NALF1: variants seen among roughly 807,000 people sequenced by gnomAD.
NALF1 encodes the protein NALCN channel auxiliary factor 1.
NALF1 carries 3 observed loss-of-function variants against 48.4 expected under a neutral mutation model. That is an observed-to-expected ratio of 0.06 (90% CI 0.03 to 0.16). The LOEUF is 0.16. NALF1 is among the 10% of genes least tolerant of loss of function. NALF1 has a pLI of 1.00. For synonymous variants in NALF1, 262 were observed against 245.7 expected (o/e 1.07, Z -0.62); for missense variants, 526 against 571.5 (o/e 0.92, Z 0.81).
chr13:107,569,335 G>A (rs1212873901), intron 1 of NALF1, among the ~76,000 whole-genome samples: 3 of 152,066 alleles, frequency 2.0e-5, no homozygotes, highest in South Asian at 2.1e-4. Flanking sequence ...AGCCAGGCGT[G>A]GTGGTGGGTG....
At chr13:107,698,793 C>A (rs1371273574) in intron 1 of NALF1, among the ~76,000 whole-genome samples, 1 of 152,104 alleles carries the variant, frequency 6.6e-6, no homozygotes, top group Non-Finnish European at 1.5e-5. Flanking sequence ...AGATATGAGA[C>A]AAACTGTATC....
At chr13:107,439,343 A>G (rs538731686) in intron 1 of NALF1, among the ~76,000 whole-genome samples, 59 of 152,224 alleles carry the variant, frequency 3.9e-4, no homozygotes, top group Admixed American at 1.4e-3. Context: ...AACATTTGCT[A>G]CCTATAGGAC....
chr13:107,529,165 A>T (rs985271013), intron 1 of NALF1, among the ~76,000 whole-genome samples: 8 of 152,092 alleles, frequency 5.3e-5, no homozygotes, highest in Non-Finnish European at 1.2e-4. Context: ...AATGCTGGAG[A>T]CTTTGTCTTA....
intron 1 of NALF1, among the ~76,000 whole-genome samples, chr13:107,308,592 G>A (rs1197154391): frequency 6.6e-6 from 1 of 152,326 alleles, no homozygotes; most frequent in South Asian, 2.1e-4. Flanking sequence ...AAAATTGCCA[G>A]TAGTTTTCCA....
chr13:107,677,823 A>G (rs1881169959), intron 1 of NALF1, among the ~76,000 whole-genome samples: 1 of 99,100 alleles, frequency 1.0e-5, no homozygotes, highest in East Asian at 2.4e-4. Context: ...AGATAATGAA[A>G]GCAAACACAA....
chr13:107,320,925 T>G (rs951247419), intron 1 of NALF1: 2 of 185,336 alleles, frequency 1.1e-5, no homozygotes, highest in African/African-American at 4.7e-5. Flanking sequence ...TCACGCATGT[T>G]GATCAGACTG....
intron 1 of NALF1, among the ~76,000 whole-genome samples, chr13:107,501,333 G>T (rs1310375656): frequency 6.6e-6 from 1 of 152,020 alleles, no homozygotes; most frequent in Non-Finnish European, 1.5e-5. Flanking sequence ...TCCAACCCAG[G>T]CAAATGCATT....
chr13:107,506,927 C>A (rs1875714596), intron 1 of NALF1, among the ~76,000 whole-genome samples: 2 of 151,398 alleles, frequency 1.3e-5, no homozygotes. Context: ...GTAATAGTAA[C>A]TTTTTAAAGA....
At chr13:107,638,036 C>T (rs1021469625) in intron 1 of NALF1, among the ~76,000 whole-genome samples, 1 of 151,578 alleles carries the variant, frequency 6.6e-6, no homozygotes, top group South Asian at 2.1e-4. Flanking sequence ...CCTTAATGAC[C>T]GTAAGTCATC....
intron 1 of NALF1, among the ~76,000 whole-genome samples, chr13:107,720,662 T>A (rs1298126238): frequency 6.6e-6 from 1 of 151,764 alleles, no homozygotes; most frequent in African/African-American, 2.4e-5. Flanking sequence ...ATCAAATAAA[T>A]AAAATAAAAG....
At chr13:107,364,969 TC>T (rs1883127641) in intron 1 of NALF1, among the ~76,000 whole-genome samples, 1 of 56,542 alleles carries the variant, frequency 1.8e-5, no homozygotes, top group Non-Finnish European at 3.1e-5. Flanking sequence ...TCTCTCCCTC[TC>T]CCCCTCCCCC....
intron 1 of NALF1, among the ~76,000 whole-genome samples, chr13:107,525,861 T>C (rs937792860): frequency 2.6e-5 from 4 of 152,148 alleles, no homozygotes; most frequent in Non-Finnish European, 4.4e-5. Flanking sequence ...TGGTATTCTA[T>C]AGTGATTTTA....
intron 1 of NALF1, among the ~76,000 whole-genome samples, chr13:107,706,031 G>A (rs1244180114): frequency 6.6e-6 from 1 of 152,110 alleles, no homozygotes; most frequent in African/African-American, 2.4e-5. Context: ...CTTAACTCAA[G>A]AAAGAATCAG....
chr13:107,698,686 A>G (rs1881750590), intron 1 of NALF1, among the ~76,000 whole-genome samples: 2 of 152,154 alleles, frequency 1.3e-5, no homozygotes, highest in African/African-American at 4.8e-5. Flanking sequence ...CAATTTGTTC[A>G]TAATGATTGG....
intron 1 of NALF1, among the ~76,000 whole-genome samples, chr13:107,462,420 A>G (rs1884934575): frequency 6.6e-6 from 1 of 152,248 alleles, no homozygotes; most frequent in Non-Finnish European, 1.5e-5. Flanking sequence ...AAGTTACATA[A>G]GTGCATTTAT....
At chr13:107,298,709 C>T (rs1881775276) in intron 1 of NALF1, among the ~76,000 whole-genome samples, 2 of 152,070 alleles carry the variant, frequency 1.3e-5, no homozygotes, top group Admixed American at 1.3e-4. Context: ...GGATTACAGG[C>T]GTGAGCCACT....
Position 107,640,328 on chromosome 13 carries a change from A to G in NALF1, c.915+225354T>C, listed in dbSNP as rs187445809. 5.5e-3 allele frequency among the ~76,000 whole-genome samples: 838 copies of G among 152,340 alleles called. 4 individuals carry two copies. Among genetic ancestry groups the G allele is most frequent in the Non-Finnish European group, 8.4e-3 (572 of 68,020 alleles). On this transcript the variant is annotated intron_variant, in intron 1 of 2. Coordinates refer to ENST00000375915, the MANE Select transcript of NALF1 (RefSeq NM_001080396.3). The stretch of plus-strand genomic sequence containing the variant: ...TAAACTGATGAGAACATGCCTGTTT[A>G]TGCTGTAGAGCAAATTTGTTAGCAC...
intron 1 of NALF1, among the ~76,000 whole-genome samples, chr13:107,575,869 T>C (rs1395238446): frequency 6.6e-6 from 1 of 152,030 alleles, no homozygotes. Context: ...GGGTATAAAA[T>C]GAAGTGCAAA....
intron 1 of NALF1, among the ~76,000 whole-genome samples, chr13:107,527,673 C>T (rs1594111310): frequency 6.6e-6 from 1 of 152,032 alleles, no homozygotes; most frequent in East Asian, 1.9e-4. Flanking sequence ...ATAATTGAAT[C>T]ATGGGGGTGG....
Sources: gnomAD v4.1 joint callset for allele counts (sites outside exome capture counted in the v4.1 genomes callset) on GRCh38, gnomAD v4.1.1 for gene constraint, MANE v1.5 for transcripts, NCBI Gene and HGNC (gene_info 2026-07-23, HGNC 2026-07-21) for gene names.